Variants in ADAMTS17 observed in about 807,000 individuals in gnomAD.
ADAMTS17 encodes the protein ADAM metallopeptidase with thrombospondin type 1 motif 17.
Under a neutral mutation model 141.5 loss-of-function variants are expected in ADAMTS17, and 113 were observed. That is an observed-to-expected ratio of 0.80 (90% CI 0.69 to 0.93). The LOEUF (loss-of-function observed/expected upper bound fraction) is 0.93, where lower values mean the gene tolerates loss of function less well. Among genes scored for constraint, ADAMTS17 ranks in the 40% least tolerant of loss-of-function variants. The pLI, the probability that ADAMTS17 is intolerant of heterozygous loss-of-function variation, is 0.00. For synonymous variants in ADAMTS17, 768 were observed against 630.6 expected (o/e 1.22, Z -3.27); for missense variants, 1,659 against 1,517.9 (o/e 1.09, Z -1.54).
intron 3 of ADAMTS17, among the ~76,000 whole-genome samples, chr15:100,328,857 C>G (rs779029195): frequency 6.6e-6 from 1 of 152,118 alleles, no homozygotes; most frequent in South Asian, 2.1e-4. Flanking sequence ...TGAACGGTGG[C>G]GTGAGCAGAG....
intron 8 of ADAMTS17, among the ~76,000 whole-genome samples, chr15:100,169,481 G>A (rs1168339042): frequency 6.6e-6 from 1 of 152,214 alleles, no homozygotes; most frequent in East Asian, 1.9e-4. Flanking sequence ...ATCATCTCAT[G>A]AATTATTATT....
rs551990749 is a variant in ADAMTS17 at position 100,277,762 on chromosome 15, A to G, written c.789+3467T>C. On this transcript the variant is annotated intron_variant, in intron 4 of 21. Transcript: ENST00000268070. ...TATTTCTGAGAGCTGAGCACCATCAAAAGTTAAGCAATTCCATTTCCAGGT... is the reference window on the plus strand; with the variant it reads ...TATTTCTGAGAGCTGAGCACCATCAGAAGTTAAGCAATTCCATTTCCAGGT... Among the ~76,000 whole-genome samples the G allele has an allele frequency of 5.9e-5, 9 of 152,374 alleles. No individual in the cohort carries two copies. The South Asian group carries it at 1.9e-3, about 32-fold the overall frequency.
chr15:100,186,269 A>C (rs951451579), intron 8 of ADAMTS17, among the ~76,000 whole-genome samples: 2 of 152,208 alleles, frequency 1.3e-5, no homozygotes, highest in African/African-American at 4.8e-5. Flanking sequence ...TGTAAGGCAC[A>C]TGGCGAGTGC....
At chr15:100,100,501 T>C (rs1476813757) in intron 14 of ADAMTS17, among the ~76,000 whole-genome samples, 4 of 152,106 alleles carry the variant, frequency 2.6e-5, no homozygotes. Flanking sequence ...ACCTCTTAAT[T>C]CTAGTTGGAC....
At chr15:100,076,764 G>A (rs766964338) in intron 15 of ADAMTS17, among the ~76,000 whole-genome samples, 1 of 151,998 alleles carries the variant, frequency 6.6e-6, no homozygotes, top group African/African-American at 2.4e-5. Flanking sequence ...TTTCTCACTG[G>A]AAGAAGTTTA....
At chr15:100,248,723 C>G (rs1426987359) in intron 7 of ADAMTS17, among the ~76,000 whole-genome samples, 1 of 152,154 alleles carries the variant, frequency 6.6e-6, no homozygotes, top group South Asian at 2.1e-4. Flanking sequence ...GTCATCCTTG[C>G]TATCCTTCCC....
chr15:100,063,945 G>A (rs1292446996), intron 15 of ADAMTS17, among the ~76,000 whole-genome samples: 1 of 152,152 alleles, frequency 6.6e-6, no homozygotes, highest in Non-Finnish European at 1.5e-5. Context: ...CAGAGAGCAG[G>A]ATTTGCACGT....
chr15:99,975,106 A>G (rs2727201), intron 21 of ADAMTS17, among the ~76,000 whole-genome samples: 101,044 of 152,186 alleles, frequency 0.66, 33,908 homozygotes, highest in Non-Finnish European at 0.71. Context: ...GAACAAAGAT[A>G]CTAGAAATCC....
chr15:100,163,270 G>C lies in ADAMTS17; in HGVS notation c.1182-7950C>G, dbSNP rs529682493. On this transcript the variant is annotated intron_variant, in intron 8 of 21. Transcript: ENST00000268070. ...GAGACAGAGAGAATGAAGCACGGGA[G>C]ATTCTGTCCCCTATTCCAGTCAGCA... 2.4e-4 allele frequency among the ~76,000 whole-genome samples: 36 copies of C among 152,164 alleles called. No homozygotes were observed. In the South Asian group the frequency reaches 7.5e-3, roughly 32 times the overall value.
chr15:100,314,515 A>C (rs755839340), intron 3 of ADAMTS17, among the ~76,000 whole-genome samples: 9 of 152,226 alleles, frequency 5.9e-5, no homozygotes, highest in Non-Finnish European at 1.3e-4. Flanking sequence ...GAGAGAGAAC[A>C]CCATAAAGAG....
intron 18 of ADAMTS17, among the ~76,000 whole-genome samples, chr15:99,998,340 C>T (rs377556639): frequency 4.6e-5 from 7 of 152,282 alleles, no homozygotes; most frequent in East Asian, 1.9e-4. Flanking sequence ...CGGTGGCTGA[C>T]GCCTGTAATC....
chr15:100,195,502 A>G (rs1326730062), intron 8 of ADAMTS17, among the ~76,000 whole-genome samples: 1 of 151,732 alleles, frequency 6.6e-6, no homozygotes, highest in East Asian at 1.9e-4. Context: ...TGTTTCCGTA[A>G]GACCACAGAA....
intron 3 of ADAMTS17, among the ~76,000 whole-genome samples, chr15:100,302,877 G>A (rs1779896982): frequency 6.6e-6 from 1 of 152,100 alleles, no homozygotes. Context: ...TGCCAGGGAG[G>A]TTAGGATACA....
chr15:100,225,594 G>A (rs1018124407), intron 7 of ADAMTS17, among the ~76,000 whole-genome samples: 20 of 147,456 alleles, frequency 1.4e-4, no homozygotes, highest in Admixed American at 4.7e-4. Flanking sequence ...CACGGTCTCT[G>A]TGCCATTCAG....
chr15:100,174,750 C>A (rs1011597179), intron 8 of ADAMTS17, among the ~76,000 whole-genome samples: 1 of 152,158 alleles, frequency 6.6e-6, no homozygotes, highest in Non-Finnish European at 1.5e-5. Context: ...TGGCTCAAAG[C>A]AACGTTCATG....
chr15:100,112,763 G>A (rs2036867294), intron 13 of ADAMTS17, among the ~76,000 whole-genome samples: 1 of 152,226 alleles, frequency 6.6e-6, no homozygotes, highest in South Asian at 2.1e-4. Context: ...CCTGGGGCCG[G>A]TCTGGCTTCT....
At chr15:99,985,416 C>T (rs2060565418) in intron 20 of ADAMTS17, among the ~76,000 whole-genome samples, 1 of 152,176 alleles carries the variant, frequency 6.6e-6, no homozygotes, top group Admixed American at 6.5e-5. Flanking sequence ...TCAATAAGGA[C>T]TCAACTTTTA....
chr15:100,063,170 G>C (rs916123098), intron 15 of ADAMTS17, among the ~76,000 whole-genome samples: 4 of 152,230 alleles, frequency 2.6e-5, no homozygotes, highest in African/African-American at 4.8e-5. Flanking sequence ...AGTCAATGGA[G>C]CTGGCCACTA....
intron 15 of ADAMTS17, among the ~76,000 whole-genome samples, chr15:100,088,749 C>A (rs1326551995): frequency 6.6e-6 from 1 of 152,146 alleles, no homozygotes; most frequent in Admixed American, 6.6e-5. Flanking sequence ...AAAGGATTCC[C>A]TATTTAATTA....
Sources: allele counts gnomAD v4.1 joint callset (sites outside exome capture counted in the v4.1 genomes callset), GRCh38; gene constraint gnomAD v4.1.1; transcripts MANE v1.5; gene names NCBI Gene and HGNC (gene_info 2026-07-23, HGNC 2026-07-21).